Variants in NRAP observed in about 807,000 individuals in gnomAD.
The protein encoded by NRAP is nebulin-related-anchoring protein.
Under a neutral mutation model 225.9 loss-of-function variants are expected in NRAP, and 189 were observed. That is an observed-to-expected ratio of 0.84 (90% CI 0.74 to 0.94). The LOEUF (loss-of-function observed/expected upper bound fraction) is 0.94, where lower values mean the gene tolerates loss of function less well. NRAP is among the 40% of genes least tolerant of loss of function. The pLI is 0.00. For missense variants in NRAP, 2,176 were observed against 2,168.7 expected (o/e 1.00, Z -0.07); for synonymous variants, 769 against 790.7 (o/e 0.97, Z 0.46).
At chr10:113,635,191 A>G (rs1848799674) in intron 14 of NRAP, among the ~76,000 whole-genome samples, 2 of 152,342 alleles carry the variant, frequency 1.3e-5, no homozygotes, top group Admixed American at 6.5e-5. Flanking sequence ...CATCATATGC[A>G]TCCAATCATC....
At chr10:113,660,061 C>T (rs963570458) in intron 3 of NRAP, among the ~76,000 whole-genome samples, 1 of 150,146 alleles carries the variant, frequency 6.7e-6, no homozygotes, top group Non-Finnish European at 1.5e-5. Context: ...AACACACACA[C>T]ACACACACAC....
intron 12 of NRAP, among the ~76,000 whole-genome samples, chr10:113,641,805 G>A (rs561541668): frequency 1.0e-3 from 156 of 152,230 alleles, no homozygotes; most frequent in African/African-American, 3.5e-3. Context: ...TTTACCATGA[G>A]ACAGTGGCAG....
At chr10:113,589,630 T>G in intron 41 of NRAP, 36 bp downstream of exon 41, 1 of 1,458,204 alleles carries the variant, frequency 6.9e-7, no homozygotes, top group Non-Finnish European at 9.0e-7. Context: ...CCCATGGCCT[T>G]GCAAGCCAGG....
At chr10:113,590,319 A>G (rs538815318) in intron 40 of NRAP, among the ~76,000 whole-genome samples, 71 of 152,334 alleles carry the variant, frequency 4.7e-4, no homozygotes, top group African/African-American at 1.5e-3. Flanking sequence ...CATCTGTAAA[A>G]TGAAGCAGCC....
rs1367744484 is a variant in NRAP at position 113,595,694 on chromosome 10, G to T, written c.4465C>A (p.His1489Asn). The T allele has an allele frequency of 2.5e-6, 4 of 1,613,544 alleles. No individual in the cohort carries two copies. In the South Asian group the frequency reaches 3.3e-5, roughly 13 times the overall value. ...MYRSGDAESLHRYTLIPDHPD... is the reference protein window; with the variant it reads ...MYRSGDAESLNRYTLIPDHPD... Reference sequence around the variant, plus strand: ...TGGTCGGGGATCAGGGTGTATCTGTGCAGGGATTCTGCATCTCCAGATCTA... The same window carrying T: ...TGGTCGGGGATCAGGGTGTATCTGTTCAGGGATTCTGCATCTCCAGATCTA... The change falls in exon 38 of 42, where the codon CAC becomes AAC. Residue 1489 changes from histidine (H) to asparagine (N), a missense_variant. Around this residue, in one of 3 missense-constraint regions of NRAP, gnomAD observed 445 missense variants for 426.1 expected, o/e 1.04. Coordinates refer to ENST00000359988, the MANE Select transcript of NRAP (RefSeq NM_198060.4).
rs1236032890 is a variant in NRAP, at chr10:113,622,142, C to T, written c.2496G>A (p.Lys832=). 1.9e-6 allele frequency: 3 copies of T among 1,613,978 alleles called. No homozygotes were observed. Among genetic ancestry groups the T allele is most frequent in the Admixed American group, 3.3e-5 (2 of 60,026 alleles). ...CCTGTACATCTTTTGCCCCAATGAG[C>T]TTCCCTCTGGATCTCTCATAATCCT... ...YKEDYERSRG[K]LIGAKDVQGD... Residue 832 remains lysine (K), a synonymous_variant, in exon 24 of 42, where the codon AAG becomes AAA. Transcript: ENST00000359988.
chr10:113,620,736 A>C (rs78804033), intron 24 of NRAP, 28 bp from the exon 25 acceptor site: 1 of 1,505,506 alleles, frequency 6.6e-7, no homozygotes, highest in South Asian at 1.1e-5. Context: ...AAAAAAAAAA[A>C]AGCAGGCCAT....
chr10:113,606,249 G>A lies in NRAP; in HGVS notation c.3736C>T (p.His1246Tyr). The change falls in exon 33 of 42, where the codon CAC becomes TAC. Residue 1246 changes from histidine to tyrosine, a missense_variant. This residue lies in a region of NRAP where 1,708 missense variants were observed against 1,695.5 expected (regional missense o/e 1.01). Coordinates refer to ENST00000359988, the MANE Select transcript of NRAP (RefSeq NM_198060.4). ...AGACCCAGGGTCATTGTATACTCGT[G>A]TCTTGCATCCTCTCCAGCTGCTTTA... ...LYKAAGEDARHEYTMTLGLPE... is the reference protein window; with the variant it reads ...LYKAAGEDARYEYTMTLGLPE... 3 of 1,614,024 alleles carry A rather than the reference G, an allele frequency of 1.9e-6. No homozygotes were observed.
intron 11 of NRAP, 104 bp from the exon 12 acceptor site, chr10:113,643,142 A>G: frequency 1.6e-6 from 1 of 626,774 alleles, no homozygotes; most frequent in East Asian, 2.6e-5. Flanking sequence ...TTTCAACCCA[A>G]GATTTTAACA....
intron 9 of NRAP, among the ~76,000 whole-genome samples, chr10:113,648,186 G>A (rs933657073): frequency 1.3e-5 from 2 of 152,144 alleles, no homozygotes; most frequent in Non-Finnish European, 2.9e-5. Context: ...CCAGGGCTTT[G>A]ACTGTGGCAC....
intron 7 of NRAP, among the ~76,000 whole-genome samples, 174 bp from the exon 8 acceptor site, chr10:113,650,719 A>G (rs944887957): frequency 5.9e-5 from 9 of 152,146 alleles, no homozygotes; most frequent in Non-Finnish European, 1.0e-4. Flanking sequence ...CTTATTCCCA[A>G]TACCCAGCAC....
In NRAP at chr10:113,641,398, C is replaced by A; in HGVS notation, c.1290G>T (p.Leu430=). ...CCAGGCTGCCAACTTTCATAGCATG[C>A]AGAGTGCGTCTGTCCATACCAACTC... ...YEGVGMDRRT[L]HAMKVGSLAS... Residue 430 remains leucine, a synonymous_variant, in exon 13 of 42, where the codon CTG becomes CTT. Coordinates refer to ENST00000359988, the MANE Select transcript of NRAP (RefSeq NM_198060.4). 6.2e-7 allele frequency: 1 copy of A among 1,613,476 alleles called. No homozygotes were observed. The highest frequency in any genetic ancestry group is 8.5e-7 in the Non-Finnish European group (1 of 1,179,586).
At chr10:113,610,012 A>C (rs1847225478) in intron 31 of NRAP, among the ~76,000 whole-genome samples, 1 of 151,818 alleles carries the variant, frequency 6.6e-6, no homozygotes, top group Admixed American at 6.6e-5. Flanking sequence ...GGAGTGAGTC[A>C]CTGCTGCTAA....
chr10:113,657,028 G>A (rs1469684559), intron 4 of NRAP, among the ~76,000 whole-genome samples: 1 of 152,168 alleles, frequency 6.6e-6, no homozygotes, highest in East Asian at 1.9e-4. Flanking sequence ...GTAAGTCAGG[G>A]ACACCTAGGA....
chr10:113,629,437 A>G (rs1400057903), intron 19 of NRAP, 151 bp downstream of exon 19: 9 of 630,160 alleles, frequency 1.4e-5, no homozygotes, highest in Admixed American at 1.1e-4. Context: ...CTACCTCCCC[A>G]TCTGCCCTTT....
intron 34 of NRAP, 139 bp from the exon 35 acceptor site, chr10:113,605,059 C>G (rs1273447128): frequency 2.5e-6 from 2 of 807,036 alleles, no homozygotes; most frequent in African/African-American, 3.5e-5. Flanking sequence ...GTGCCTTCCT[C>G]CCTGGGGGAT....
chr10:113,645,754 T>A (rs547682563), intron 11 of NRAP, 71 bp downstream of exon 11: 1 of 784,340 alleles, frequency 1.3e-6, no homozygotes, highest in South Asian at 1.8e-5. Context: ...TATTATAGGG[T>A]CACCTCATTC....
chr10:113,616,694 A>G (rs1847683327), intron 26 of NRAP, among the ~76,000 whole-genome samples: 2 of 152,330 alleles, frequency 1.3e-5, no homozygotes, highest in South Asian at 2.1e-4. Context: ...GAAACAAGGA[A>G]GAGAATTTTG....
intron 11 of NRAP, among the ~76,000 whole-genome samples, chr10:113,645,065 C>T (rs1302359391): frequency 6.6e-6 from 1 of 152,210 alleles, no homozygotes; most frequent in Non-Finnish European, 1.5e-5. Context: ...ACCCCTCAGG[C>T]AGCCAGTGCA....
Sources: allele counts gnomAD v4.1 joint callset (sites outside exome capture counted in the v4.1 genomes callset), GRCh38; gene constraint gnomAD v4.1.1; regional missense constraint gnomAD v4.1.1; transcripts MANE v1.5; gene names NCBI Gene and HGNC (gene_info 2026-07-23, HGNC 2026-07-21).